ANKRD36: variants seen among roughly 807,000 people sequenced by gnomAD.
ANKRD36 encodes ankyrin repeat domain 36.
In ANKRD36, 179 loss-of-function variants were observed where a neutral mutation model predicts 278.1. That is an observed-to-expected ratio of 0.64 (90% CI 0.57 to 0.73). The LOEUF (loss-of-function observed/expected upper bound fraction) is 0.73. Among genes scored for constraint, ANKRD36 ranks in the 30% least tolerant of loss-of-function variants. The probability of loss-of-function intolerance (pLI) is 0.00; values close to 1 mark genes in which losing one functional copy is unlikely to be tolerated. For synonymous variants in ANKRD36, 320 were observed against 641.1 expected (o/e 0.50, Z 7.57); for missense variants, 1,159 against 1,956.7 (o/e 0.59, Z 7.69).
At position 97,144,711 on chromosome 2, in the gene ANKRD36, A is replaced by C; in HGVS notation, c.1002A>C (p.Thr334=). 2 of 1,544,198 alleles carry C rather than the reference A, an allele frequency of 1.3e-6. No homozygotes were observed. The highest frequency in any genetic ancestry group is 1.7e-6 in the Non-Finnish European group (2 of 1,146,314). Residue 334 remains threonine, a splice_region_variant and synonymous_variant, in exon 10 of 76, where the codon ACA becomes ACC. Transcript: ENST00000420699. ...TAAAAGATGAACAAAAATCTGGGAC[A>C]GGTAATTTTGCAATACACATTTAAT... ...TEIKDEQKSG[T]VLPAVEQCLN... is the part of the protein sequence containing the mutation.
At position 97,215,475 on chromosome 2, in the gene ANKRD36, G is replaced by T. The variant is rs1345288413; in HGVS notation, c.3651G>T (p.Lys1217Asn). The change falls in exon 62 of 76, where the codon AAG (lysine) becomes AAT (asparagine). Residue 1217 changes from lysine to asparagine, a missense_variant. Physicochemically the swap from Lys to Asn is moderately conservative, Grantham distance 94. Coordinates refer to ENST00000420699, the MANE Select transcript of ANKRD36 (RefSeq NM_001354587.1). ...DSVSNIATEIKDGQIRGTVSP... is the reference protein window; with the variant it reads ...DSVSNIATEINDGQIRGTVSP... ...TTTCGAATATAGCCACAGAAATAAA[G>T]GATGGACAAATACGTGGGACAGGTA... 1.9e-6 allele frequency: 3 copies of T among 1,582,778 alleles called. No homozygotes were observed. The East Asian group carries it at 7.1e-5, about 37-fold the overall frequency.
intron 66 of ANKRD36, among the ~76,000 whole-genome samples, chr2:97,220,079 G>T (rs1228821041): frequency 1.1e-5 from 1 of 89,006 alleles, no homozygotes; most frequent in Non-Finnish European, 1.9e-5. Flanking sequence ...GTGTGTGTGT[G>T]TGTGTGTTTT....
In ANKRD36 at chr2:97,157,324, CT is replaced by C. The variant is rs1471423423; in HGVS notation, c.1261-779del. Among the ~76,000 whole-genome samples the C allele has an allele frequency of 2.0e-5, 3 of 151,182 alleles. No homozygotes were observed. The Admixed American group carries it at 2.0e-4, about 10-fold the overall frequency. On this transcript the variant is annotated intron_variant, in intron 15 of 75. Coordinates refer to ENST00000420699, the MANE Select transcript of ANKRD36 (RefSeq NM_001354587.1). ...GCATATATTATGAACACAAGCTTTT[CT>C]TTTAAGCTCATATTTGATTGACTGG... is the stretch of plus-strand genomic sequence containing the variant.
At chr2:97,222,329 T>G (rs2067993762) in intron 66 of ANKRD36, among the ~76,000 whole-genome samples, 1 of 152,084 alleles carries the variant, frequency 6.6e-6, no homozygotes, top group Non-Finnish European at 1.5e-5. Flanking sequence ...TTTTCTTGCT[T>G]TTGAATCGTT....
chr2:97,119,139 A>G lies in ANKRD36; in HGVS notation c.486+622A>G, dbSNP rs1244379892. 3.1e-4 allele frequency among the ~76,000 whole-genome samples: 4 copies of G among 12,788 alleles called. 1 individual carries two copies. The highest frequency in any genetic ancestry group is 5.7e-4 in the African/African-American group (4 of 7,052). 8.4% of individuals were successfully genotyped at this position (12,788 alleles called of 152,430 possible). On this transcript the variant is annotated intron_variant, in intron 3 of 75. Transcript: ENST00000420699. ...GTTTTCAATTTATATGTTTAGACAA[A>G]GATCGCTTCAGTTTTGGGGATGATT...
At position 97,121,685 on chromosome 2, in the gene ANKRD36, C is replaced by G. The variant is rs28638387; in HGVS notation, c.487-1202C>G. ...ATAAAAGATGCAAATAATTTAGTGG[C>G]TTTCATTATGCTATAAATAATTCAT... On this transcript the variant is annotated intron_variant, in intron 3 of 75. Coordinates refer to ENST00000420699, the MANE Select transcript of ANKRD36 (RefSeq NM_001354587.1). Among the ~76,000 whole-genome samples, 3 of 151,930 alleles carry G rather than the reference C, an allele frequency of 2.0e-5. No individual in the cohort carries two copies. In the South Asian group the frequency reaches 6.3e-4, roughly 32 times the overall value.
At chr2:97,201,138 CAG>C (rs1558723663) in intron 46 of ANKRD36, among the ~76,000 whole-genome samples, 1 of 151,894 alleles carries the variant, frequency 6.6e-6, no homozygotes, top group Non-Finnish European at 1.5e-5. Context: ...AAGCAGGAAA[CAG>C]TGTTTGAATT....
chr2:97,194,639 C>T lies in ANKRD36; in HGVS notation c.2450-87C>T, dbSNP rs561985448. The T allele has an allele frequency of 1.4e-5, 22 of 1,580,530 alleles. No homozygotes were observed. In the Admixed American group the frequency reaches 2.1e-4, roughly 15 times the overall value. On this transcript the variant is annotated intron_variant, in intron 38 of 75. Transcript: ENST00000420699. Reference sequence around the variant, plus strand: ...GCGTACACTAATACAGGCAGGAGGACAGAGGTTGATGCTAACACTGTGTGA... The same window carrying T: ...GCGTACACTAATACAGGCAGGAGGATAGAGGTTGATGCTAACACTGTGTGA...
intron 16 of ANKRD36, 42 bp downstream of exon 16, chr2:97,158,209 C>CTT: frequency 1.5e-6 from 2 of 1,341,758 alleles, no homozygotes; most frequent in South Asian, 1.3e-5. Context: ...TCTACTGAAT[C>CTT]TTTTTTTTTC....
chr2:97,205,634 T>G (rs2062634753), intron 50 of ANKRD36, among the ~76,000 whole-genome samples: 1 of 151,554 alleles, frequency 6.6e-6, no homozygotes, highest in Non-Finnish European at 1.5e-5. Context: ...GCTCCTCTGA[T>G]TTTAGATCAC....
intron 6 of ANKRD36, among the ~76,000 whole-genome samples, chr2:97,133,063 C>G (rs2040578422): frequency 6.6e-6 from 1 of 152,070 alleles, no homozygotes; most frequent in Non-Finnish European, 1.5e-5. Flanking sequence ...CTACTTTTCT[C>G]AGGAAATGGT....
rs573414204 is a variant in ANKRD36, at chr2:97,165,685, T to G, written c.1531+1216T>G. Among the ~76,000 whole-genome samples the G allele has an allele frequency of 6.0e-5, 9 of 150,742 alleles. No individual in the cohort carries two copies. In the South Asian group the frequency reaches 1.7e-3, roughly 29 times the overall value. On this transcript the variant is annotated intron_variant, in intron 20 of 75. Coordinates refer to ENST00000420699, the MANE Select transcript of ANKRD36 (RefSeq NM_001354587.1). ...GGGCCCTATAAAGGGTTTCCAGGTG[T>G]CAAATGATAGTCTCCAGATAAAGAA... is the stretch of plus-strand genomic sequence containing the variant.
At position 97,118,155 on chromosome 2, in the gene ANKRD36, G is replaced by A. The variant is rs774046873; in HGVS notation, c.289G>A (p.Glu97Lys). The change falls in exon 2 of 76, where the codon GAA (glutamate) becomes AAA (lysine). Residue 97 changes from glutamate (E) to lysine (K), a missense_variant. Glu to Lys is a moderately conservative substitution (Grantham distance 56, BLOSUM62 1). Transcript: ENST00000420699. ...RRCELNLCDR[E>K]DRTPLIKAVQ... The stretch of plus-strand genomic sequence containing the variant: ...ATGTGAGCTTAACCTCTGCGACCGT[G>A]AAGACAGGACACCTCTGATCAAGGT... The A allele has an allele frequency of 4.4e-6, 7 of 1,574,506 alleles. No homozygotes were observed. Among genetic ancestry groups the A allele is most frequent in the Admixed American group, 1.8e-5 (1 of 54,310 alleles).
intron 68 of ANKRD36, among the ~76,000 whole-genome samples, chr2:97,240,116 T>TA (rs1265677639): frequency 3.1e-4 from 32 of 104,010 alleles, no homozygotes; most frequent in Middle Eastern, 4.4e-3. Context: ...TGTGTTTTTT[T>TA]AAAAAAAAAC....
In ANKRD36 at chr2:97,146,688, T is replaced by G. The variant is rs557213320; in HGVS notation, c.1034+172T>G. The stretch of plus-strand genomic sequence containing the variant: ...TACAAATTATTTGTGCTGTTATTGC[T>G]TTTTTACTAATTAGGCAACTCTGCT... On this transcript the variant is annotated intron_variant, in intron 11 of 75. Coordinates refer to ENST00000420699, the MANE Select transcript of ANKRD36 (RefSeq NM_001354587.1). Among the ~76,000 whole-genome samples, 19 of 152,064 alleles carry G rather than the reference T, an allele frequency of 1.2e-4. No homozygotes were observed. In the South Asian group the frequency reaches 4.0e-3, roughly 32 times the overall value.
Position 97,197,482 on chromosome 2 carries a change from G to T in ANKRD36, c.2653+694G>T, listed in dbSNP as rs375216720. Among the ~76,000 whole-genome samples the T allele has an allele frequency of 7.9e-5, 12 of 152,040 alleles. No homozygotes were observed. In the East Asian group the frequency reaches 2.0e-3, roughly 25 times the overall value. Reference sequence around the variant, plus strand: ...AGACATCAGAGATATATGTTTTGTTGATTTTAGTTATAGAAATGAGACAAG... The same window carrying T: ...AGACATCAGAGATATATGTTTTGTTTATTTTAGTTATAGAAATGAGACAAG... On this transcript the variant is annotated intron_variant, in intron 42 of 75. Transcript: ENST00000420699.
At chr2:97,137,645 T>C (rs1394739651) in intron 6 of ANKRD36, among the ~76,000 whole-genome samples, 2 of 151,964 alleles carry the variant, frequency 1.3e-5, no homozygotes, top group African/African-American at 2.4e-5. Context: ...CTGGCTCAAA[T>C]GGTATTTCCG....
chr2:97,158,541 C>G, intron 16 of ANKRD36, 47 bp from the exon 17 acceptor site: 1 of 1,525,640 alleles, frequency 6.6e-7, no homozygotes, highest in Non-Finnish European at 8.8e-7. Context: ...TTTCTTGATT[C>G]TTAATTACAT....
intron 66 of ANKRD36, among the ~76,000 whole-genome samples, chr2:97,224,551 G>A (rs1308949470): frequency 8.6e-5 from 13 of 151,532 alleles, no homozygotes; most frequent in African/African-American, 2.4e-4. Flanking sequence ...CCGGGCTCAC[G>A]CCATTCTCCT....
Sources: gnomAD v4.1 joint callset for allele counts (sites outside exome capture counted in the v4.1 genomes callset) on GRCh38, gnomAD v4.1.1 for gene constraint, MANE v1.5 for transcripts, NCBI Gene and HGNC (gene_info 2026-07-23, HGNC 2026-07-21) for gene names.